The following CORO1C variants were observed in gnomAD, a reference collection of about 807,000 sequenced individuals.
The protein encoded by CORO1C is coronin 1C, also known as coronin-1C.
CORO1C carries 14 observed loss-of-function variants against 51.2 expected under a neutral mutation model. That is an observed-to-expected ratio of 0.27 (90% confidence interval 0.18 to 0.43). The LOEUF (loss-of-function observed/expected upper bound fraction) is 0.43. Ranked by LOEUF, CORO1C falls within the 20% of genes least tolerant of loss-of-function variation. The probability of loss-of-function intolerance (pLI) is 1.00; values close to 1 mark genes in which losing one functional copy is unlikely to be tolerated. For missense variants in CORO1C, 417 were observed against 607.8 expected, an observed-to-expected ratio of 0.69 and a Z score of 3.30; for synonymous variants, 181 against 210.5, an observed-to-expected ratio of 0.86 and a Z score of 1.21.
chr12:108,711,518 A>C (rs1194070459), intron 1 of CORO1C, among the ~76,000 whole-genome samples: 1 of 152,108 alleles, frequency 6.6e-6, no homozygotes, highest in Non-Finnish European at 1.5e-5. Context: ...CATGTCTACT[A>C]AAAATACAAA....
chr12:108,700,872 T>C (rs2034844543), intron 2 of CORO1C: 1 of 393,308 alleles, frequency 2.5e-6, no homozygotes, highest in Non-Finnish European at 4.6e-6. Context: ...TGCCTGCCCA[T>C]GCTCACAACA....
intron 3 of CORO1C, 77 bp downstream of exon 3, chr12:108,678,195 C>A: frequency 1.4e-6 from 2 of 1,391,518 alleles, no homozygotes; most frequent in Admixed American, 2.1e-5. Flanking sequence ...TACATACACA[C>A]ACACCCACAC....
At chr12:108,651,541 G>A (rs896237515) in intron 8 of CORO1C, among the ~76,000 whole-genome samples, 3 of 152,112 alleles carry the variant, frequency 2.0e-5, no homozygotes, top group Admixed American at 1.3e-4. Flanking sequence ...GACCAGTGGG[G>A]CCCCAAATAC....
chr12:108,694,570 T>C (rs929886612), intron 2 of CORO1C, among the ~76,000 whole-genome samples: 5 of 152,186 alleles, frequency 3.3e-5, no homozygotes, highest in East Asian at 1.9e-4. Flanking sequence ...AATGTTAACA[T>C]TGCACATTAT....
rs868173757 is a variant in CORO1C, at chr12:108,681,364, A to C, written c.196-2970T>G. Among the ~76,000 whole-genome samples, 6 of 152,244 alleles carry C rather than the reference A, an allele frequency of 3.9e-5. 1 individual carries two copies. In the Middle Eastern group the frequency reaches 0.014, roughly 345 times the overall value. ...TTTAGATTTAAGATGCACAAATCCC[A>C]CCTCCGGCAGTATAAGTGAAAACAA... On this transcript the variant is annotated intron_variant, in intron 2 of 10. Transcript: ENST00000261401.
chr12:108,673,731 G>A (rs920610036), intron 3 of CORO1C, among the ~76,000 whole-genome samples: 1 of 152,018 alleles, frequency 6.6e-6, no homozygotes, highest in Non-Finnish European at 1.5e-5. Context: ...AAAAATCCTA[G>A]GGCCCTTAAG....
intron 3 of CORO1C, 80 bp downstream of exon 3, chr12:108,678,192 A>T: frequency 1.5e-6 from 2 of 1,348,082 alleles, no homozygotes; most frequent in East Asian, 5.0e-5. Flanking sequence ...CTATACATAC[A>T]CACACACCCA....
chr12:108,702,533 T>C (rs796994301), intron 1 of CORO1C, among the ~76,000 whole-genome samples: 8 of 152,344 alleles, frequency 5.3e-5, no homozygotes, highest in African/African-American at 1.9e-4. Context: ...TCCTATGTGC[T>C]ACTGCAGGAC....
intron 3 of CORO1C, among the ~76,000 whole-genome samples, chr12:108,666,499 ATGCTCACAGGCCTGTCATTATG>A (rs2033482877): frequency 6.6e-6 from 1 of 152,200 alleles, no homozygotes; most frequent in South Asian, 2.1e-4. Flanking sequence ...CCCAAAGGCC[ATGCTCACAGGCCTGTCATTATG>A]TGGCTCTCTG....
At chr12:108,652,871 G>A (rs1205346935) in intron 7 of CORO1C, among the ~76,000 whole-genome samples, 1 of 152,266 alleles carries the variant, frequency 6.6e-6, no homozygotes, top group Admixed American at 6.5e-5. Context: ...TAAAAAGTGA[G>A]ATTTTTCTAA....
intron 2 of CORO1C, among the ~76,000 whole-genome samples, chr12:108,680,056 A>G (rs2034068776): frequency 6.6e-6 from 1 of 152,260 alleles, no homozygotes; most frequent in Non-Finnish European, 1.5e-5. Flanking sequence ...ATCATTAAGA[A>G]TTAACAAATA....
chr12:108,718,638 T>C (rs1372749964), intron 1 of CORO1C, among the ~76,000 whole-genome samples: 3 of 152,170 alleles, frequency 2.0e-5, no homozygotes, highest in African/African-American at 7.2e-5. Context: ...AGACATCCTA[T>C]AGAAATAGGA....
At chr12:108,680,501 G>C (rs2034087650) in intron 2 of CORO1C, among the ~76,000 whole-genome samples, 1 of 152,212 alleles carries the variant, frequency 6.6e-6, no homozygotes, top group African/African-American at 2.4e-5. Context: ...AAGTATAAAT[G>C]GTTGAGAACC....
chr12:108,728,949 G>A (rs1162111858), intron 1 of CORO1C, among the ~76,000 whole-genome samples: 1 of 152,124 alleles, frequency 6.6e-6, no homozygotes, highest in East Asian at 1.9e-4. Context: ...AATGCAAGTA[G>A]CTCTCAAATT....
At chr12:108,690,001 C>T (rs2034441287) in intron 2 of CORO1C, among the ~76,000 whole-genome samples, 1 of 152,068 alleles carries the variant, frequency 6.6e-6, no homozygotes, top group Non-Finnish European at 1.5e-5. Flanking sequence ...CCATTTTTTT[C>T]AACTTCCTTT....
At chr12:108,727,263 A>G (rs2035615562) in intron 1 of CORO1C, among the ~76,000 whole-genome samples, 1 of 152,226 alleles carries the variant, frequency 6.6e-6, no homozygotes, top group Non-Finnish European at 1.5e-5. Context: ...TGTACAATAC[A>G]TGAGGGCAGG....
rs377235373 is a variant in CORO1C, at chr12:108,658,187, CATTTATTT to C, written c.630+543_630+550del. Among the ~76,000 whole-genome samples, 1 of 151,976 alleles carries C rather than the reference CATTTATTT, an allele frequency of 6.6e-6. No homozygotes were observed. The highest frequency in any genetic ancestry group is 1.5e-5 in the Non-Finnish European group (1 of 67,990). On this transcript the variant is annotated intron_variant, in intron 5 of 10. Transcript: ENST00000261401. This position sits in a 1 kb window ranked among gnomAD's most constrained non-coding sequence, Gnocchi z 4.9. ...AGAACTTGTTGCTTTTCGCCCTGCG[CATTTATTT>C]ATTTATTTATTTATTTATTTTTGTA...
rs749773615 is a variant in CORO1C, at chr12:108,701,140, A to T, written c.179T>A (p.Val60Asp). ...ATTACCTACCTTGTGCAGAGGGAGG[A>T]CAAGGAACGCTCCTCCCCCACTTGC... Reference protein sequence around the residue: ...IEASGGGAFLVLPLHKTGRID... With the variant: ...IEASGGGAFLDLPLHKTGRID... The change falls in exon 2 of 11, where the codon GTC (valine) becomes GAC (aspartate). Residue 60 changes from valine to aspartate, a missense_variant. Coordinates refer to ENST00000261401, the MANE Select transcript of CORO1C (RefSeq NM_014325.4). The T allele has an allele frequency of 1.2e-6, 2 of 1,614,128 alleles. No homozygotes were observed. The highest frequency in any genetic ancestry group is 3.3e-5 in the Admixed American group (2 of 60,022).
At chr12:108,711,734 T>C (rs1442613287) in intron 1 of CORO1C, among the ~76,000 whole-genome samples, 1 of 150,542 alleles carries the variant, frequency 6.6e-6, no homozygotes. Flanking sequence ...TGTAGGGTGT[T>C]AGGAGGAAAA....
Sources: allele counts gnomAD v4.1 joint callset (sites outside exome capture counted in the v4.1 genomes callset), GRCh38; gene constraint gnomAD v4.1.1; non-coding constraint Gnocchi (gnomAD v3.1); transcripts MANE v1.5; gene names NCBI Gene and HGNC (gene_info 2026-07-23, HGNC 2026-07-21).